COL10A1: variants seen among roughly 807,000 people sequenced by gnomAD.
COL10A1 encodes the protein collagen type X alpha 1 chain, also known as collagen alpha-1(X) chain.
Under a neutral mutation model 18.2 loss-of-function variants are expected in COL10A1, and 10 were observed. That is an observed-to-expected ratio of 0.55 (90% CI 0.34 to 0.93). The LOEUF is 0.93. COL10A1 is among the 40% of genes least tolerant of loss of function. COL10A1 has a pLI of 0.02. For missense variants in COL10A1, 897 were observed against 853.5 expected, an observed-to-expected ratio of 1.05 and a Z score of -0.64; for synonymous variants, 330 against 316.6, an observed-to-expected ratio of 1.04 and a Z score of -0.45.
At chr6:116,158,545 G>C (rs552352235) in intron 1 of COL10A1, 2 of 152,140 alleles carry the variant, frequency 1.3e-5, no homozygotes, top group East Asian at 3.9e-4. Context: ...CAGTATTTTT[G>C]CCCTGTTTTT....
the COL10A1 span, among the ~76,000 whole-genome samples, chr6:116,205,286 T>G: frequency 2.6e-5 from 4 of 151,870 alleles, no homozygotes; most frequent in East Asian, 7.7e-4. Context: ...ATGACAACAA[T>G]GATACTAGGG....
At chr6:116,150,509 G>A (rs1468954238) in intron 1 of COL10A1, among the ~76,000 whole-genome samples, 1 of 152,048 alleles carries the variant, frequency 6.6e-6, no homozygotes, top group Non-Finnish European at 1.5e-5. Flanking sequence ...GGTCTCGAAT[G>A]TGTGACCTCA....
At chr6:116,216,759 T>C in the COL10A1 span, among the ~76,000 whole-genome samples, 1 of 152,154 alleles carries the variant, frequency 6.6e-6, no homozygotes, top group Non-Finnish European at 1.5e-5. Context: ...AATAAATTTA[T>C]CTCTTTTATC....
chr6:116,141,342 G>A (rs1367731366), intron 1 of COL10A1, among the ~76,000 whole-genome samples: 1 of 150,914 alleles, frequency 6.6e-6, no homozygotes, highest in Non-Finnish European at 1.5e-5. Flanking sequence ...TATATGTGTT[G>A]CAGATACTTC....
chr6:116,148,589 AC>A (rs1779954640), intron 1 of COL10A1, among the ~76,000 whole-genome samples: 1 of 152,200 alleles, frequency 6.6e-6, no homozygotes, highest in African/African-American at 2.4e-5. Context: ...TACTATGATA[AC>A]AGTTTATTAT....
At chr6:116,168,362 G>A in the COL10A1 span, among the ~76,000 whole-genome samples, 42 of 151,560 alleles carry the variant, frequency 2.8e-4, no homozygotes, top group South Asian at 8.3e-4. Flanking sequence ...CTTCAGTTGC[G>A]TCTAATCTGC....
intron 2 of COL10A1, among the ~76,000 whole-genome samples, chr6:116,124,886 C>T (rs559490904): frequency 2.6e-5 from 4 of 152,124 alleles, no homozygotes; most frequent in South Asian, 2.1e-4. Flanking sequence ...TGATAAGACT[C>T]GGTTTTATAT....
the COL10A1 span, among the ~76,000 whole-genome samples, chr6:116,212,566 C>T: frequency 6.6e-6 from 1 of 152,064 alleles, no homozygotes; most frequent in Non-Finnish European, 1.5e-5. Context: ...GATATCTGAA[C>T]TAAATTAATT....
At chr6:116,133,202 T>C (rs1291888312) in intron 1 of COL10A1, among the ~76,000 whole-genome samples, 4 of 152,210 alleles carry the variant, frequency 2.6e-5, no homozygotes, top group Non-Finnish European at 4.4e-5. Context: ...GTTAAAAATA[T>C]AGAATGTCTT....
the COL10A1 span, among the ~76,000 whole-genome samples, chr6:116,167,873 T>A: frequency 6.6e-6 from 1 of 152,138 alleles, no homozygotes; most frequent in Admixed American, 6.5e-5. Context: ...TTTCTGAAAA[T>A]TTTTTTATTT....
At chr6:116,135,907 C>T (rs1779589409) in intron 1 of COL10A1, among the ~76,000 whole-genome samples, 1 of 145,342 alleles carries the variant, frequency 6.9e-6, no homozygotes, top group Non-Finnish European at 1.5e-5. Flanking sequence ...ATGGTTACCA[C>T]AATCAAGCTA....
chr6:116,145,243 A>G lies in COL10A1; in HGVS notation c.-16+13371T>C, dbSNP rs543798690. 5.3e-5 allele frequency among the ~76,000 whole-genome samples: 8 copies of G among 152,182 alleles called. No individual in the cohort carries two copies. In the East Asian group the frequency reaches 5.8e-4, roughly 11 times the overall value. On this transcript the variant is annotated intron_variant, in intron 1 of 1. Transcript: ENST00000418500. ...GCTAACTATTAAATGTCCCCAAAAGAATTTGTTTAGAAAGGTGTGATATGA... is the reference window on the plus strand; with the variant it reads ...GCTAACTATTAAATGTCCCCAAAAGGATTTGTTTAGAAAGGTGTGATATGA...
intron 2 of COL10A1, among the ~76,000 whole-genome samples, chr6:116,124,047 T>C (rs1779218656): frequency 6.6e-6 from 1 of 152,126 alleles, no homozygotes; most frequent in Non-Finnish European, 1.5e-5. Context: ...TTTTTTTCTT[T>C]ACTAGCCTTT....
the COL10A1 span, among the ~76,000 whole-genome samples, chr6:116,195,038 C>G: frequency 6.6e-6 from 1 of 152,088 alleles, no homozygotes; most frequent in Non-Finnish European, 1.5e-5. Flanking sequence ...CTCTACCGCT[C>G]TCTCTATATT....
At chr6:116,163,141 A>AAAAAATATATATATAT (rs761718922), upstream of COL10A1, among the ~76,000 whole-genome samples, 4 of 88,400 alleles carry the variant, frequency 4.5e-5, no homozygotes, top group African/African-American at 1.7e-4. Flanking sequence ...AAAAAAAAAA[A>AAAAAATATATATATAT]ATATATATAT....
the COL10A1 span, among the ~76,000 whole-genome samples, chr6:116,183,741 C>T: frequency 2.9e-4 from 44 of 151,832 alleles, no homozygotes; most frequent in South Asian, 1.0e-3. Context: ...CATTTTTGTA[C>T]ATTAATTTTG....
intron 1 of COL10A1, among the ~76,000 whole-genome samples, chr6:116,150,875 A>C (rs1780021502): frequency 6.6e-6 from 1 of 152,214 alleles, no homozygotes; most frequent in South Asian, 2.1e-4. Context: ...TGTAATAAAT[A>C]CATTGTTCAT....
chr6:116,205,441 T>C, the COL10A1 span, among the ~76,000 whole-genome samples: 1 of 150,220 alleles, frequency 6.7e-6, no homozygotes, highest in East Asian at 2.0e-4. Context: ...CATTTAACCT[T>C]AGAAAGATAA....
chr6:116,215,113 T>A, the COL10A1 span, among the ~76,000 whole-genome samples: 1 of 152,248 alleles, frequency 6.6e-6, no homozygotes, highest in African/African-American at 2.4e-5. Flanking sequence ...GCTTTCCTGG[T>A]TCTGAACATT....
Sources: allele counts gnomAD v4.1 joint callset (sites outside exome capture counted in the v4.1 genomes callset), GRCh38; gene constraint gnomAD v4.1.1; transcripts MANE v1.5; gene names NCBI Gene and HGNC (gene_info 2026-07-23, HGNC 2026-07-21).